The following PINX1 variants were observed in gnomAD, a reference collection of about 807,000 sequenced individuals.
PINX1 encodes the protein PIN2/TERF1-interacting telomerase inhibitor 1.
In PINX1, 34 loss-of-function variants were observed where a neutral mutation model predicts 25.4. The ratio of observed to expected loss-of-function variants is 1.34; its 90% CI spans 1.02 to 1.78. The LOEUF (loss-of-function observed/expected upper bound fraction) is 1.78, where lower values mean the gene tolerates loss of function less well. Among genes scored for constraint, PINX1 ranks in the 40% most tolerant of loss-of-function variants. The pLI is 0.00. For missense variants in PINX1, 592 were observed against 404.9 expected (o/e 1.46, Z -3.97); for synonymous variants, 197 against 147.7 (o/e 1.33, Z -2.42).
At position 10,834,742 on chromosome 8, in the gene PINX1, T is replaced by A. The variant is rs764306503; in HGVS notation, c.53A>T (p.Gln18Leu). ...ATCGTCATTACTCCAGGCAGTGTTCTGAGGATCCACAGCCCACTTCTGCTT... is the reference window on the plus strand; with the variant it reads ...ATCGTCATTACTCCAGGCAGTGTTCAGAGGATCCACAGCCCACTTCTGCTT... ...RRKQKWAVDP[Q>L]NTAWSNDDSK... Residue 18 changes from glutamine (Q) to leucine (L), a missense_variant, in exon 2 of 7, where the codon CAG (glutamine) becomes CTG (leucine). By Grantham distance (113) the Gln-to-Leu change is moderately radical. Transcript: ENST00000314787. 3 of 1,613,868 alleles carry A rather than the reference T, an allele frequency of 1.9e-6. No homozygotes were observed. Among genetic ancestry groups the A allele is most frequent in the South Asian group, 2.2e-5 (2 of 91,074 alleles).
rs369880397 is a variant in PINX1, at chr8:10,765,883, C to T, written c.505G>A (p.Glu169Lys). The T allele has an allele frequency of 1.6e-5, 26 of 1,613,736 alleles. 1 individual carries two copies. Among genetic ancestry groups the T allele is most frequent in the African/African-American group, 8.0e-5 (6 of 74,914 alleles). The part of the protein sequence containing the change: ...DASPSTPEEN[E>K]TTTTSAFTIQ... The stretch of plus-strand genomic sequence containing the variant: ...GTGAAGGCGCTGGTTGTCGTGGTTT[C>T]GTTCTCCTCTGGAGTGGAGGGACTG... Residue 169 changes from glutamate to lysine, a missense_variant, in exon 7 of 7, where the codon GAA becomes AAA. By Grantham distance (56) the Glu-to-Lys change is moderately conservative. Transcript: ENST00000314787.
chr8:10,834,657 C>G lies in PINX1; in HGVS notation c.129+9G>C, dbSNP rs368532527. The stretch of plus-strand genomic sequence containing the variant: ...AGCTCAGATTTTTTTCCGCTTTTCT[C>G]CAAAATACCTTTCCTTTAGACCACC... On this transcript the variant is annotated intron_variant, in intron 2 of 6. Coordinates refer to ENST00000314787, the MANE Select transcript of PINX1 (RefSeq NM_017884.6). The G allele has an allele frequency of 4.8e-5, 77 of 1,611,248 alleles. 1 individual carries two copies. Among genetic ancestry groups the G allele is most frequent in the African/African-American group, 3.6e-4 (27 of 74,910 alleles).
chr8:10,819,795 A>G (rs1797809464), intron 6 of PINX1, among the ~76,000 whole-genome samples: 1 of 152,186 alleles, frequency 6.6e-6, no homozygotes, highest in Non-Finnish European at 1.5e-5. Flanking sequence ...AATGAAGGTG[A>G]CATGCTTCCT....
chr8:10,816,976 G>C (rs1025905372), intron 6 of PINX1, among the ~76,000 whole-genome samples: 2 of 152,178 alleles, frequency 1.3e-5, no homozygotes, highest in Non-Finnish European at 2.9e-5. Context: ...TCCAGCACAG[G>C]GTTTGGCACA....
intron 4 of PINX1, among the ~76,000 whole-genome samples, chr8:10,830,087 A>G (rs1798183915): frequency 6.6e-6 from 1 of 152,188 alleles, no homozygotes. Flanking sequence ...TACTTCATAG[A>G]TCCTGCATTT....
intron 6 of PINX1, among the ~76,000 whole-genome samples, chr8:10,799,766 A>G (rs1415151679): frequency 6.6e-6 from 1 of 152,194 alleles, no homozygotes; most frequent in Non-Finnish European, 1.5e-5. Context: ...CTGGCAGGGG[A>G]TCAAGGGAGG....
chr8:10,801,155 T>C lies in PINX1; in HGVS notation c.471+19038A>G, dbSNP rs903259780. Reference sequence around the variant, plus strand: ...ACACAAAAACCTCAGTGAACTCTTCTTCCCAGTACCACAGATTAATCACGC... The same window carrying C: ...ACACAAAAACCTCAGTGAACTCTTCCTCCCAGTACCACAGATTAATCACGC... On this transcript the variant is annotated intron_variant, in intron 6 of 6. Coordinates refer to ENST00000314787, the MANE Select transcript of PINX1 (RefSeq NM_017884.6). Among the ~76,000 whole-genome samples the C allele has an allele frequency of 5.9e-5, 9 of 152,192 alleles. No homozygotes were observed. The East Asian group carries it at 1.5e-3, about 26-fold the overall frequency.
intron 6 of PINX1, among the ~76,000 whole-genome samples, chr8:10,766,467 C>A (rs887613112): frequency 4.1e-4 from 62 of 152,324 alleles, no homozygotes; most frequent in Middle Eastern, 3.4e-3. Context: ...CCAGGGGCAC[C>A]CTTTCTCCCC....
At chr8:10,826,709 CA>C (rs1798061249) in intron 4 of PINX1, among the ~76,000 whole-genome samples, 1 of 152,208 alleles carries the variant, frequency 6.6e-6, no homozygotes, top group African/African-American at 2.4e-5. Context: ...ATGGCCAAAA[CA>C]AACTCCAGGG....
chr8:10,788,502 G>A (rs920376398), intron 6 of PINX1, among the ~76,000 whole-genome samples: 2 of 151,892 alleles, frequency 1.3e-5, no homozygotes, highest in Non-Finnish European at 1.5e-5. Flanking sequence ...GAGGTGGAGG[G>A]TGCAGTGAGC....
At chr8:10,837,251 T>A (rs1014675101) in intron 1 of PINX1, among the ~76,000 whole-genome samples, 1 of 151,910 alleles carries the variant, frequency 6.6e-6, no homozygotes, top group Non-Finnish European at 1.5e-5. Context: ...TAGCACCGAG[T>A]CTCTCACTAG....
intron 6 of PINX1, among the ~76,000 whole-genome samples, chr8:10,779,162 T>G (rs1801505446): frequency 6.6e-6 from 1 of 152,242 alleles, no homozygotes; most frequent in African/African-American, 2.4e-5. Context: ...CTAGCCGTAT[T>G]TTTTAAAGGA....
At chr8:10,826,474 C>T (rs1288625262) in intron 4 of PINX1, among the ~76,000 whole-genome samples, 1 of 152,212 alleles carries the variant, frequency 6.6e-6, no homozygotes, top group Non-Finnish European at 1.5e-5. Flanking sequence ...TCAGGCCAGG[C>T]TGCCCTCCAG....
At chr8:10,781,801 C>T (rs1468112397) in intron 6 of PINX1, among the ~76,000 whole-genome samples, 4 of 152,142 alleles carry the variant, frequency 2.6e-5, no homozygotes, top group African/African-American at 4.8e-5. Context: ...ATTAAAAATA[C>T]AATTACTGTA....
intron 6 of PINX1, among the ~76,000 whole-genome samples, chr8:10,808,189 G>A (rs1306901022): frequency 1.3e-5 from 2 of 152,190 alleles, no homozygotes; most frequent in African/African-American, 4.8e-5. Flanking sequence ...AATACAATCA[G>A]TAGTTTGAGT....
intron 6 of PINX1, 149 bp downstream of exon 6, chr8:10,820,044 A>G: frequency 1.7e-6 from 1 of 582,162 alleles, no homozygotes; most frequent in Non-Finnish European, 3.1e-6. Context: ...TATTATGAAA[A>G]GGATCATATC....
rs74670494 is a variant in PINX1 at position 10,778,880 on chromosome 8, G to T, written c.472-12964C>A. Among the ~76,000 whole-genome samples, 1,362 of 152,290 alleles carry T rather than the reference G, an allele frequency of 8.9e-3. 18 individuals are homozygous for T. The highest frequency in any genetic ancestry group is 0.031 in the African/African-American group (1,273 of 41,560). On this transcript the variant is annotated intron_variant, in intron 6 of 6. Transcript: ENST00000314787. ...TCCAAGAGGGTGGGCTTTTACCCAT[G>T]TAAGTTTTTGCAAAAATGACAAAAG...
intron 6 of PINX1, among the ~76,000 whole-genome samples, chr8:10,795,145 A>C (rs1238058841): frequency 6.6e-6 from 1 of 152,258 alleles, no homozygotes; most frequent in Non-Finnish European, 1.5e-5. Flanking sequence ...TTCAAAAAAC[A>C]AATCACTTGG....
intron 6 of PINX1, chr8:10,787,676 G>T: frequency 2.8e-6 from 1 of 356,772 alleles, no homozygotes; most frequent in South Asian, 2.3e-5. Flanking sequence ...GGATTCAGCA[G>T]GGATGGTAAT....
Sources: allele counts gnomAD v4.1 joint callset (sites outside exome capture counted in the v4.1 genomes callset), GRCh38; gene constraint gnomAD v4.1.1; transcripts MANE v1.5; gene names NCBI Gene and HGNC (gene_info 2026-07-23, HGNC 2026-07-21).